The following IGF2BP2 variants were observed in gnomAD, a reference collection of about 807,000 sequenced individuals.
The protein encoded by IGF2BP2 is insulin like growth factor 2 mRNA binding protein 2, also known as insulin-like growth factor 2 mRNA-binding protein 2.
In IGF2BP2, 17 loss-of-function variants were observed where a neutral mutation model predicts 75.8. The ratio of observed to expected loss-of-function variants is 0.22; its 90% CI spans 0.15 to 0.34. The LOEUF (loss-of-function observed/expected upper bound fraction) is 0.34, where lower values mean the gene tolerates loss of function less well. IGF2BP2 is among the 10% of genes least tolerant of loss of function. The pLI is 1.00. For missense variants in IGF2BP2, 516 were observed against 772.4 expected (o/e 0.67, Z 3.93); for synonymous variants, 288 against 295.6 (o/e 0.97, Z 0.26).
chr3:185,670,503 G>A (rs753316627), intron 10 of IGF2BP2, among the ~76,000 whole-genome samples: 1 of 152,112 alleles, frequency 6.6e-6, no homozygotes, highest in Non-Finnish European at 1.5e-5. Context: ...GAAAATAAAT[G>A]GTGAGCTAGA....
Position 185,688,257 on chromosome 3 carries a change from A to C in IGF2BP2, c.678-1066T>G, listed in dbSNP as rs947706450. On this transcript the variant is annotated intron_variant, in intron 6 of 15. Coordinates refer to ENST00000382199, the MANE Select transcript of IGF2BP2 (RefSeq NM_006548.6). ...TCAGTAATTGGGTGCTTTGCAATTTAAGTACTTTCATATTAATTATTTCAC... is the reference window on the plus strand; with the variant it reads ...TCAGTAATTGGGTGCTTTGCAATTTCAGTACTTTCATATTAATTATTTCAC... Among the ~76,000 whole-genome samples, 5 of 152,294 alleles carry C rather than the reference A, an allele frequency of 3.3e-5. No homozygotes were observed. In the East Asian group the frequency reaches 5.8e-4, roughly 18 times the overall value.
intron 2 of IGF2BP2, among the ~76,000 whole-genome samples, chr3:185,811,843 T>TCTCTCC (rs1739900819): frequency 1.9e-5 from 2 of 103,586 alleles, no homozygotes; most frequent in Non-Finnish European, 3.6e-5. Flanking sequence ...TCTCTCTCTC[T>TCTCTCC]CTCTCTCTCT....
rs1713301361 is a variant in IGF2BP2, at chr3:185,645,204, A to G, written c.*327T>C. 2.8e-6 allele frequency: 1 copy of G among 354,306 alleles called. No individual in the cohort carries two copies. Among genetic ancestry groups the G allele is most frequent in the Non-Finnish European group, 5.2e-6 (1 of 191,134 alleles). 21.9% of individuals were successfully genotyped at this position (354,306 alleles called of 1,614,324 possible). Reference sequence around the variant, plus strand: ...TGCTTGGCTTTGAACACGTTCACCTATGTTAGTTCAACTAAAAGGGATAGC... The same window carrying G: ...TGCTTGGCTTTGAACACGTTCACCTGTGTTAGTTCAACTAAAAGGGATAGC... On this transcript the variant is annotated 3_prime_UTR_variant, in exon 16 of 16. Transcript: ENST00000382199. The surrounding 1 kb of genome is among the most constrained non-coding windows in gnomAD (Gnocchi z 4.9).
rs148741643 is a variant in IGF2BP2, at chr3:185,767,901, T to C, written c.239+55252A>G. 6 of 153,712 alleles carry C rather than the reference T, an allele frequency of 3.9e-5. No homozygotes were observed. The East Asian group carries it at 9.7e-4, about 25-fold the overall frequency. The allele number at this position is 153,712 out of a possible 1,614,324, so 9.5% of individuals were successfully genotyped here. A position where few individuals can be genotyped will look rare whatever the true frequency, so the allele number is the denominator to read the frequency against. ...AAGTAATGGCAAAAACAGCAATTAC[T>C]TTCACACCAACCTAAATAGCAAGTG... On this transcript the variant is annotated intron_variant, in intron 2 of 15. Coordinates refer to ENST00000382199, the MANE Select transcript of IGF2BP2 (RefSeq NM_006548.6).
chr3:185,776,428 A>G (rs1210624920), intron 2 of IGF2BP2, among the ~76,000 whole-genome samples: 2 of 152,126 alleles, frequency 1.3e-5, no homozygotes, highest in East Asian at 3.8e-4. Flanking sequence ...GAAAAAGTAA[A>G]AAGTGAGGAC....
intron 9 of IGF2BP2, among the ~76,000 whole-genome samples, chr3:185,673,534 T>A (rs902258613): frequency 6.6e-6 from 1 of 152,314 alleles, no homozygotes; most frequent in Admixed American, 6.5e-5. Context: ...TACATGGGGA[T>A]GGTCACACAG....
chr3:185,727,834 CAG>C (rs1727572187), intron 2 of IGF2BP2, among the ~76,000 whole-genome samples: 1 of 152,132 alleles, frequency 6.6e-6, no homozygotes, highest in East Asian at 1.9e-4. Flanking sequence ...ACAGACTAAA[CAG>C]AGACTTAGAA....
Position 185,652,136 on chromosome 3 carries a change from T to C in IGF2BP2, c.1419A>G (p.Glu473=), listed in dbSNP as rs1410665947. 1 of 1,613,174 alleles carries C rather than the reference T, an allele frequency of 6.2e-7. No homozygotes were observed. The highest frequency in any genetic ancestry group is 8.5e-7 in the Non-Finnish European group (1 of 1,179,370). ...GTGGCCCGGTGATGATGACCATCCT[T>C]TCGCTGACGTCTGGGCCTTCCGCAG... ...IAPAEGPDVS[E]RMVIITGPPE... Residue 473 remains glutamate (E), a synonymous_variant, in exon 13 of 16, where the codon GAA becomes GAG. Coordinates refer to ENST00000382199, the MANE Select transcript of IGF2BP2 (RefSeq NM_006548.6).
intron 6 of IGF2BP2, 57 bp from the exon 7 acceptor site, chr3:185,687,248 C>T (rs183249088): frequency 6.5e-7 from 1 of 1,532,684 alleles, no homozygotes; most frequent in Non-Finnish European, 8.8e-7. Context: ...GGACCCTAGC[C>T]CCAAGAAAGC....
chr3:185,716,488 A>T (rs1322072202), intron 2 of IGF2BP2: 2 of 520,004 alleles, frequency 3.8e-6, no homozygotes, highest in South Asian at 1.4e-5. Flanking sequence ...CTCTGCTAAC[A>T]ATAAAAAGAA....
intron 10 of IGF2BP2, among the ~76,000 whole-genome samples, chr3:185,664,218 A>G (rs536147627): frequency 1.3e-5 from 2 of 152,318 alleles, no homozygotes; most frequent in Non-Finnish European, 2.9e-5. Context: ...CAAGAGGTAG[A>G]GCTGAGATGC....
At chr3:185,815,975 C>A (rs1185371204) in intron 2 of IGF2BP2, among the ~76,000 whole-genome samples, 2 of 152,148 alleles carry the variant, frequency 1.3e-5, no homozygotes, top group Admixed American at 1.3e-4. Context: ...ATGAGAGGCC[C>A]AAGGCCTTAT....
chr3:185,746,447 G>A (rs143302229), intron 2 of IGF2BP2, among the ~76,000 whole-genome samples: 13 of 152,262 alleles, frequency 8.5e-5, no homozygotes, highest in East Asian at 5.8e-4. Context: ...AAGCAGGGAC[G>A]GATCTACTTA....
chr3:185,706,741 C>CT (rs768995397), intron 2 of IGF2BP2, among the ~76,000 whole-genome samples: 1,514 of 139,418 alleles, frequency 0.011, 17 homozygotes, highest in African/African-American at 0.03. Flanking sequence ...GAGATTCCTT[C>CT]TTTTTTTTTT....
At chr3:185,767,539 C>T (rs1300870769) in intron 2 of IGF2BP2, among the ~76,000 whole-genome samples, 1 of 152,096 alleles carries the variant, frequency 6.6e-6, no homozygotes, top group East Asian at 1.9e-4. Context: ...CACAAATCTC[C>T]AAGAAAGGGA....
chr3:185,782,975 G>A (rs60653330), intron 2 of IGF2BP2, among the ~76,000 whole-genome samples: 11 of 152,220 alleles, frequency 7.2e-5, no homozygotes, highest in Non-Finnish European at 1.5e-5. Flanking sequence ...CCACCTGTCA[G>A]CTGTGGGCCT....
At chr3:185,701,367 T>TA (rs558141080) in intron 2 of IGF2BP2, among the ~76,000 whole-genome samples, 54,217 of 116,918 alleles carry the variant, frequency 0.46, 10,948 homozygotes, top group Middle Eastern at 0.61. Flanking sequence ...ACCTGCTAAG[T>TA]AAAAAAAAAA....
chr3:185,728,625 G>A (rs1294971004), intron 2 of IGF2BP2: 3 of 152,138 alleles, frequency 2.0e-5, no homozygotes, highest in Non-Finnish European at 4.4e-5. Context: ...TAATATTTAT[G>A]GTTTAACTAT....
intron 2 of IGF2BP2, among the ~76,000 whole-genome samples, chr3:185,811,830 G>GTCTCTCTCTCTCTCTCTCTC (rs58208457): frequency 9.6e-4 from 116 of 120,782 alleles, no homozygotes; most frequent in Non-Finnish European, 1.7e-3. Context: ...AGAGTAGGGT[G>GTCTCTCTCTCTCTCTCTCTC]TCTCTCTCTC....
Sources: allele counts gnomAD v4.1 joint callset (sites outside exome capture counted in the v4.1 genomes callset), GRCh38; gene constraint gnomAD v4.1.1; non-coding constraint Gnocchi (gnomAD v3.1); transcripts MANE v1.5; gene names NCBI Gene and HGNC (gene_info 2026-07-23, HGNC 2026-07-21).